MTREX: variants seen among roughly 807,000 people sequenced by gnomAD.
MTREX encodes Mtr4 exosome RNA helicase.
A neutral mutation model predicts 135.4 loss-of-function variants in MTREX; 76 were observed. The observed-to-expected ratio is 0.56, with a 90% CI of 0.47 to 0.68. MTREX has a LOEUF of 0.68. Ranked by LOEUF, MTREX falls within the 30% of genes least tolerant of loss-of-function variation. MTREX has a pLI of 0.00. For missense variants in MTREX, 920 were observed against 1,262.1 expected (o/e 0.73, Z 4.11); for synonymous variants, 404 against 401.6 (o/e 1.01, Z -0.07).
intron 1 of MTREX, among the ~76,000 whole-genome samples, chr5:55,309,786 G>T (rs1298972170): frequency 6.6e-6 from 1 of 152,082 alleles, no homozygotes; most frequent in Non-Finnish European, 1.5e-5. Flanking sequence ...GATCTCTGTG[G>T]GGAAGTAAGT....
At position 55,379,231 on chromosome 5, in the gene MTREX, A is replaced by G. The variant is rs777019312; in HGVS notation, c.2052+36A>G. ...ATCTTTAAATTAGAATTGTATATCA[A>G]TTTTTAGTGAAATGTTTTTTAAGGC... On this transcript the variant is annotated intron_variant, in intron 18 of 26. Coordinates refer to ENST00000230640, the MANE Select transcript of MTREX (RefSeq NM_015360.5). 4.1e-6 allele frequency: 5 copies of G among 1,227,920 alleles called. No homozygotes were observed. The East Asian group carries it at 7.1e-5, about 17-fold the overall frequency. 76.1% of individuals were successfully genotyped at this position (1,227,920 alleles called of 1,614,324 possible).
chr5:55,379,316 C>T (rs1750356209), intron 18 of MTREX, 121 bp downstream of exon 18: 1 of 582,810 alleles, frequency 1.7e-6, no homozygotes, highest in South Asian at 2.0e-5. Context: ...ATAAATTCTG[C>T]CATGAGGAAT....
chr5:55,350,943 A>C lies in MTREX; in HGVS notation c.1345A>C (p.Lys449Gln). The stretch of plus-strand genomic sequence containing the variant: ...GGTAGAACATGTACTTCCTCTTTTG[A>C]AGAGGGGAATTGGTATTCACCATGG... ...PQVEHVLPLLKRGIGIHHGGL... is the reference protein window; with the variant it reads ...PQVEHVLPLLQRGIGIHHGGL... The change falls in exon 13 of 27, where the codon AAG (lysine) becomes CAG (glutamine). Residue 449 changes from lysine to glutamine, a missense_variant. Physicochemically the swap from Lys to Gln is moderately conservative, Grantham distance 53. Around this residue, in one of 6 missense-constraint regions of MTREX, gnomAD observed 101 missense variants for 119.1 expected, o/e 0.85. Coordinates refer to ENST00000230640, the MANE Select transcript of MTREX (RefSeq NM_015360.5). 4 of 1,605,096 alleles carry C rather than the reference A, an allele frequency of 2.5e-6. No homozygotes were observed. Among genetic ancestry groups the C allele is most frequent in the Non-Finnish European group, 3.4e-6 (4 of 1,177,630 alleles).
intron 1 of MTREX, among the ~76,000 whole-genome samples, chr5:55,317,129 G>T (rs554806681): frequency 3.9e-5 from 6 of 152,148 alleles, no homozygotes; most frequent in African/African-American, 1.4e-4. Flanking sequence ...ACTGTTCAAA[G>T]AAATCAGAGA....
chr5:55,414,079 T>TA (rs1750928084), intron 23 of MTREX, 103 bp from the exon 24 acceptor site: 1 of 741,594 alleles, frequency 1.3e-6, no homozygotes, highest in African/African-American at 1.8e-5. Flanking sequence ...TATAATTTGA[T>TA]ATGTGACTAT....
intron 22 of MTREX, among the ~76,000 whole-genome samples, chr5:55,408,774 G>A (rs1055814252): frequency 6.6e-6 from 1 of 151,968 alleles, no homozygotes; most frequent in African/African-American, 2.4e-5. Flanking sequence ...AAGATATTTT[G>A]CAGTTATTAC....
chr5:55,335,013 A>G (rs1223925039), intron 5 of MTREX, among the ~76,000 whole-genome samples: 2 of 151,848 alleles, frequency 1.3e-5, no homozygotes, highest in East Asian at 1.9e-4. Context: ...TGCTCTTGGT[A>G]TTGTCTTTTT....
At chr5:55,424,491 G>A in intron 26 of MTREX, 1 of 441,642 alleles carries the variant, frequency 2.3e-6, no homozygotes, top group Non-Finnish European at 4.1e-6. Flanking sequence ...TTCCTGGCCA[G>A]CCCCCATGGA....
At chr5:55,340,430 T>G (rs909616963) in intron 6 of MTREX, among the ~76,000 whole-genome samples, 1 of 152,242 alleles carries the variant, frequency 6.6e-6, no homozygotes, top group Non-Finnish European at 1.5e-5. Flanking sequence ...TTTTAAAGTT[T>G]ATTTCTGTCA....
chr5:55,320,268 A>G (rs1200110776), intron 1 of MTREX, among the ~76,000 whole-genome samples: 1 of 145,342 alleles, frequency 6.9e-6, no homozygotes, highest in Non-Finnish European at 1.5e-5. Context: ...CCCAGGCTGG[A>G]GTACAGTGGC....
intron 25 of MTREX, among the ~76,000 whole-genome samples, chr5:55,418,689 A>G (rs759483138): frequency 2.6e-5 from 4 of 152,082 alleles, no homozygotes; most frequent in East Asian, 1.9e-4. Flanking sequence ...GGGATATACT[A>G]TGTATTCGCC....
chr5:55,363,167 AG>A (rs1750045026), intron 15 of MTREX, among the ~76,000 whole-genome samples: 1 of 152,194 alleles, frequency 6.6e-6, no homozygotes, highest in Non-Finnish European at 1.5e-5. Flanking sequence ...ATTCTATTAA[AG>A]TTAGTTCTGT....
chr5:55,313,987 T>G (rs79066745), intron 1 of MTREX, among the ~76,000 whole-genome samples: 1,392 of 137,192 alleles, frequency 0.01, 13 homozygotes, highest in Non-Finnish European at 0.016. Flanking sequence ...TAGAGAGCTG[T>G]TTTTTTTTTT....
intron 14 of MTREX, 130 bp from the exon 15 acceptor site, chr5:55,358,443 G>T: frequency 1.3e-6 from 1 of 772,288 alleles, no homozygotes. Flanking sequence ...CAAACTTCAT[G>T]TTGTTTTTAA....
At chr5:55,410,401 C>A (rs1191425405) in intron 22 of MTREX, 123 bp from the exon 23 acceptor site, 4 of 452,148 alleles carry the variant, frequency 8.8e-6, no homozygotes, top group Non-Finnish European at 1.6e-5. Context: ...CATTGTCATT[C>A]CTCATTGATT....
At chr5:55,374,430 G>A (rs750654703) in intron 16 of MTREX, among the ~76,000 whole-genome samples, 4 of 151,678 alleles carry the variant, frequency 2.6e-5, no homozygotes, top group Non-Finnish European at 4.4e-5. Flanking sequence ...TAGGACCACA[G>A]GTGTGTACCA....
At chr5:55,350,646 T>G (rs1280022833) in intron 12 of MTREX, among the ~76,000 whole-genome samples, 1 of 152,174 alleles carries the variant, frequency 6.6e-6, no homozygotes, top group Non-Finnish European at 1.5e-5. Flanking sequence ...TGTAATTGTT[T>G]TTTGAGGAGA....
At chr5:55,396,375 A>T (rs560610989) in intron 19 of MTREX, among the ~76,000 whole-genome samples, 142 of 152,314 alleles carry the variant, frequency 9.3e-4, no homozygotes, top group Middle Eastern at 3.4e-3. Flanking sequence ...AGATCTTACA[A>T]CATTATAGCT....
At chr5:55,342,705 A>G (rs1561191965) in intron 7 of MTREX, among the ~76,000 whole-genome samples, 2 of 152,212 alleles carry the variant, frequency 1.3e-5, no homozygotes, top group Admixed American at 6.5e-5. Context: ...GGAGAAAGCA[A>G]TAGAATTTAA....
Sources: allele counts gnomAD v4.1 joint callset (sites outside exome capture counted in the v4.1 genomes callset), GRCh38; gene constraint gnomAD v4.1.1; regional missense constraint gnomAD v4.1.1; transcripts MANE v1.5; gene names NCBI Gene and HGNC (gene_info 2026-07-23, HGNC 2026-07-21).